The following RDH10 variants were observed in gnomAD, a reference collection of about 807,000 sequenced individuals.
RDH10 encodes retinol dehydrogenase 10 (all-trans).
A neutral mutation model predicts 30.2 loss-of-function variants in RDH10; 12 were observed. The observed-to-expected ratio is 0.40, with a 90% CI of 0.25 to 0.64. The LOEUF is 0.64. Ranked by LOEUF, RDH10 falls within the 30% of genes least tolerant of loss-of-function variation. RDH10 has a pLI of 0.43. For missense variants in RDH10, 268 were observed against 445.2 expected, an observed-to-expected ratio of 0.60 and a Z score of 3.58; for synonymous variants, 189 against 172.2, an observed-to-expected ratio of 1.10 and a Z score of -0.76.
chr8:73,298,835 A>G (rs536093255), intron 2 of RDH10, among the ~76,000 whole-genome samples: 8 of 151,922 alleles, frequency 5.3e-5, no homozygotes, highest in Non-Finnish European at 1.2e-4. Flanking sequence ...TTATTTTGAG[A>G]TGGAATTTTG....
chr8:73,298,609 C>T (rs1488708355), intron 2 of RDH10, among the ~76,000 whole-genome samples: 3 of 152,146 alleles, frequency 2.0e-5, no homozygotes, highest in Non-Finnish European at 4.4e-5. Context: ...CTCACTGCAA[C>T]CTCTGCCTCC....
intron 2 of RDH10, 69 bp from the exon 3 acceptor site, chr8:73,319,027 G>T: frequency 1.0e-6 from 1 of 976,250 alleles, no homozygotes. Context: ...TTTGTTTTGT[G>T]ATCCTGGACT....
intron 2 of RDH10, 82 bp from the exon 3 acceptor site, chr8:73,319,014 A>C: frequency 2.5e-6 from 2 of 810,440 alleles, no homozygotes; most frequent in Non-Finnish European, 4.1e-6. Context: ...ATGTGAATAA[A>C]AGTTTGTTTT....
chr8:73,308,254 A>G (rs898774908), intron 2 of RDH10, among the ~76,000 whole-genome samples: 8 of 152,174 alleles, frequency 5.3e-5, no homozygotes, highest in Admixed American at 3.3e-4. Flanking sequence ...AAAATGTAAA[A>G]CCTTTATTCT....
At chr8:73,298,010 G>A (rs956206876) in intron 2 of RDH10, 1 of 156,320 alleles carries the variant, frequency 6.4e-6, no homozygotes, top group African/African-American at 2.4e-5. Flanking sequence ...ACCCTAGAGA[G>A]GGAGGCGAGG....
At chr8:73,298,693 A>C (rs564660969) in intron 2 of RDH10, among the ~76,000 whole-genome samples, 1 of 152,002 alleles carries the variant, frequency 6.6e-6, no homozygotes, top group South Asian at 2.1e-4. Flanking sequence ...ACACCTGGCT[A>C]ATTTTTTGTA....
chr8:73,321,427 C>T (rs1276155306), intron 4 of RDH10, among the ~76,000 whole-genome samples: 1 of 152,140 alleles, frequency 6.6e-6, no homozygotes, highest in African/African-American at 2.4e-5. Flanking sequence ...GAAGAAAATT[C>T]CTTCATGTGA....
In RDH10 at chr8:73,305,805, G is replaced by A. The variant is rs866249769; in HGVS notation, c.525+8376G>A. 2.6e-5 allele frequency among the ~76,000 whole-genome samples: 4 copies of A among 152,064 alleles called. No homozygotes were observed. The East Asian group carries it at 5.8e-4, about 22-fold the overall frequency. ...AAAGGGTCTTTTGTAACTAATCTTT[G>A]GAGTATGACAAAATCTAATAGTCCT... is the stretch of plus-strand genomic sequence containing the variant. On this transcript the variant is annotated intron_variant, in intron 2 of 5. Coordinates refer to ENST00000240285, the MANE Select transcript of RDH10 (RefSeq NM_172037.5).
At chr8:73,304,694 A>G (rs554711946) in intron 2 of RDH10, among the ~76,000 whole-genome samples, 1 of 152,262 alleles carries the variant, frequency 6.6e-6, no homozygotes, top group South Asian at 2.1e-4. Context: ...TATGCTTCAC[A>G]CAAGAGCCTC....
At chr8:73,322,156 A>G (rs1814783173) in intron 4 of RDH10, 1 of 378,792 alleles carries the variant, frequency 2.6e-6, no homozygotes, top group African/African-American at 2.1e-5. Context: ...AACCCAGTGA[A>G]TCAAACTGAA....
chr8:73,317,672 G>A (rs1563551595), intron 2 of RDH10, among the ~76,000 whole-genome samples: 1 of 152,160 alleles, frequency 6.6e-6, no homozygotes, highest in Admixed American at 6.5e-5. Flanking sequence ...TGTAATCCCA[G>A]CACTTTAGGA....
intron 2 of RDH10, among the ~76,000 whole-genome samples, chr8:73,316,566 G>T (rs1169852476): frequency 6.6e-6 from 1 of 152,136 alleles, no homozygotes; most frequent in East Asian, 1.9e-4. Flanking sequence ...CCTCAGCAGT[G>T]TACTTGGGCA....
intron 2 of RDH10, among the ~76,000 whole-genome samples, chr8:73,301,042 C>CTTTTTTTTT (rs57107587): frequency 2.3e-5 from 2 of 87,238 alleles, no homozygotes; most frequent in Non-Finnish European, 4.2e-5. Flanking sequence ...AAACTCTATT[C>CTTTTTTTTT]TTTTTTTTTT....
intron 2 of RDH10, among the ~76,000 whole-genome samples, chr8:73,317,492 CATG>C (rs1814693758): frequency 6.6e-6 from 1 of 152,124 alleles, no homozygotes; most frequent in Non-Finnish European, 1.5e-5. Context: ...TGGGGTACTA[CATG>C]ATGACTGGGG....
intron 2 of RDH10, among the ~76,000 whole-genome samples, chr8:73,301,985 A>C (rs1472601033): frequency 1.3e-5 from 2 of 152,194 alleles, no homozygotes. Context: ...GCCAGTTTGA[A>C]TGAAGCTCAC....
At position 73,324,630 on chromosome 8, in the gene RDH10, T is replaced by C. The variant is rs1814836952; in HGVS notation, c.*1594T>C. 1 of 152,182 alleles carries C rather than the reference T, an allele frequency of 6.6e-6. No homozygotes were observed. The highest frequency in any genetic ancestry group is 2.4e-5 in the African/African-American group (1 of 41,440). 9.4% of individuals were successfully genotyped at this position (152,182 alleles called of 1,614,324 possible). On this transcript the variant is annotated 3_prime_UTR_variant, in exon 6 of 6. Transcript: ENST00000240285. ...AAAATTATTGTGTTTTTTTTTATGA[T>C]CATTATCCCACTTTAGGTAAAGAAA...
chr8:73,308,005 T>A (rs1814492393), intron 2 of RDH10, among the ~76,000 whole-genome samples: 1 of 152,176 alleles, frequency 6.6e-6, no homozygotes, highest in Admixed American at 6.5e-5. Flanking sequence ...TTCCATAGCT[T>A]GTATTGGAGA....
intron 2 of RDH10, among the ~76,000 whole-genome samples, chr8:73,304,215 C>G (rs1313348602): frequency 1.3e-5 from 2 of 152,178 alleles, no homozygotes; most frequent in Non-Finnish European, 2.9e-5. Flanking sequence ...TGAACAAACT[C>G]CTCTTTGCTC....
At position 73,295,453 on chromosome 8, in the gene RDH10, A is replaced by C. The variant is rs1814244299; in HGVS notation, c.164A>C (p.Glu55Ala). Reference protein sequence around the residue: ...GSGLGRLFALEFARRRALLVL... With the variant: ...GSGLGRLFALAFARRRALLVL... ...GGCCTGGGCCGCCTCTTCGCGCTGG[A>C]GTTCGCCCGGCGTCGGGCGCTGCTG... The change falls in exon 1 of 6, where the codon GAG becomes GCG. Residue 55 changes from glutamate (E) to alanine (A), a missense_variant. This residue lies in a region of RDH10 where 42 missense variants were observed against 77.6 expected (regional missense o/e 0.54). Transcript: ENST00000240285. 1 of 1,550,912 alleles carries C rather than the reference A, an allele frequency of 6.4e-7. No individual in the cohort carries two copies. The highest frequency in any genetic ancestry group is 1.4e-5 in the African/African-American group (1 of 73,014).
Sources: allele counts gnomAD v4.1 joint callset (sites outside exome capture counted in the v4.1 genomes callset), GRCh38; gene constraint gnomAD v4.1.1; regional missense constraint gnomAD v4.1.1; transcripts MANE v1.5; gene names NCBI Gene and HGNC (gene_info 2026-07-23, HGNC 2026-07-21).